The following TRDN variants were observed in gnomAD, a reference collection of about 807,000 sequenced individuals.
The protein encoded by TRDN is triadin.
Under a neutral mutation model 149.7 loss-of-function variants are expected in TRDN, and 161 were observed. The ratio of observed to expected loss-of-function variants is 1.08; its 90% CI spans 0.95 to 1.23. The LOEUF (loss-of-function observed/expected upper bound fraction) is 1.23, where lower values mean the gene tolerates loss of function less well. Among genes scored for constraint, TRDN ranks in the 50% most tolerant of loss-of-function variants. TRDN has a pLI of 0.00. For synonymous variants in TRDN, 294 were observed against 250.5 expected (o/e 1.17, Z -1.64); for missense variants, 896 against 823.5 (o/e 1.09, Z -1.08).
intron 14 of TRDN, 130 bp from the exon 15 acceptor site, chr6:123,382,277 A>C (rs757307985): frequency 5.3e-6 from 3 of 565,644 alleles, no homozygotes; most frequent in Non-Finnish European, 2.9e-6. Flanking sequence ...GTATATTTCT[A>C]GAATATGAGA....
chr6:123,636,345 G>A (rs1304540128), intron 1 of TRDN, among the ~76,000 whole-genome samples: 1 of 151,848 alleles, frequency 6.6e-6, no homozygotes, highest in Non-Finnish European at 1.5e-5. Flanking sequence ...GTTTAAGTAA[G>A]CATTAGTGTA....
At chr6:123,283,726 T>C (rs1406668721) in intron 24 of TRDN, among the ~76,000 whole-genome samples, 1 of 150,758 alleles carries the variant, frequency 6.6e-6, no homozygotes, top group East Asian at 2.0e-4. Context: ...CCTGGAAATA[T>C]GTAACCCTCC....
At chr6:123,453,765 A>C (rs1201068920) in intron 10 of TRDN, among the ~76,000 whole-genome samples, 1 of 152,160 alleles carries the variant, frequency 6.6e-6, no homozygotes, top group Non-Finnish European at 1.5e-5. Flanking sequence ...GTATCTACCC[A>C]AAGGAAAAGA....
chr6:123,463,657 C>T (rs1776613557), intron 10 of TRDN, among the ~76,000 whole-genome samples: 2 of 152,020 alleles, frequency 1.3e-5, no homozygotes, highest in Non-Finnish European at 2.9e-5. Flanking sequence ...GTTGTCTTGT[C>T]CAATGAACAT....
chr6:123,487,033 A>C (rs1323441572), intron 9 of TRDN, among the ~76,000 whole-genome samples: 1 of 152,028 alleles, frequency 6.6e-6, no homozygotes, highest in East Asian at 1.9e-4. Context: ...GTTCTGAAAA[A>C]ATATTTTTCT....
intron 23 of TRDN, among the ~76,000 whole-genome samples, chr6:123,321,115 A>T (rs1006210317): frequency 3.3e-5 from 5 of 152,180 alleles, no homozygotes; most frequent in Non-Finnish European, 5.9e-5. Flanking sequence ...CTGAGGACAT[A>T]GGTCTAAAAT....
chr6:123,235,954 A>T (rs2114532442), intron 38 of TRDN, among the ~76,000 whole-genome samples: 1 of 152,290 alleles, frequency 6.6e-6, no homozygotes, highest in African/African-American at 2.4e-5. Flanking sequence ...CATTTGGGTT[A>T]TTTCCAGATT....
At chr6:123,474,497 G>A (rs1014779538) in intron 9 of TRDN, among the ~76,000 whole-genome samples, 19 of 152,012 alleles carry the variant, frequency 1.2e-4, no homozygotes, top group African/African-American at 4.6e-4. Context: ...ACACCCCACT[G>A]TCAACATTAG....
At chr6:123,298,455 A>G (rs1046300628) in intron 24 of TRDN, among the ~76,000 whole-genome samples, 1 of 152,012 alleles carries the variant, frequency 6.6e-6, no homozygotes, top group Non-Finnish European at 1.5e-5. Flanking sequence ...CAAGGGTTAG[A>G]GATAATTTGT....
intron 12 of TRDN, among the ~76,000 whole-genome samples, chr6:123,395,528 G>A (rs890774779): frequency 1.3e-5 from 2 of 152,102 alleles, no homozygotes; most frequent in African/African-American, 4.8e-5. Context: ...GATTGGGCAT[G>A]TTTTAGGGTT....
intron 23 of TRDN, among the ~76,000 whole-genome samples, chr6:123,328,834 A>G (rs76588655): frequency 0.012 from 1,875 of 152,208 alleles, 25 homozygotes; most frequent in Non-Finnish European, 0.017. Flanking sequence ...GCTTATTCCA[A>G]TGAACGTTAT....
At chr6:123,534,420 C>T (rs1780415666) in intron 4 of TRDN, among the ~76,000 whole-genome samples, 1 of 152,126 alleles carries the variant, frequency 6.6e-6, no homozygotes, top group Non-Finnish European at 1.5e-5. Context: ...GTGTCACTGA[C>T]TGTTGATATC....
chr6:123,536,999 T>C (rs983297163), intron 4 of TRDN, among the ~76,000 whole-genome samples: 3 of 152,088 alleles, frequency 2.0e-5, no homozygotes, highest in South Asian at 2.1e-4. Flanking sequence ...AAAAGCTAAA[T>C]TGTAATTATA....
chr6:123,238,435 T>C (rs1413520129), intron 38 of TRDN, among the ~76,000 whole-genome samples: 1 of 151,916 alleles, frequency 6.6e-6, no homozygotes, highest in Non-Finnish European at 1.5e-5. Flanking sequence ...GGATAATCAC[T>C]AAAGTAATAG....
At chr6:123,311,981 T>C (rs1172784175) in intron 24 of TRDN, among the ~76,000 whole-genome samples, 1 of 151,928 alleles carries the variant, frequency 6.6e-6, no homozygotes, top group African/African-American at 2.4e-5. Context: ...GAGGAATTAA[T>C]AGAAGATAAT....
chr6:123,529,774 C>T (rs1332266848), intron 5 of TRDN, among the ~76,000 whole-genome samples: 3 of 151,968 alleles, frequency 2.0e-5, no homozygotes, highest in Non-Finnish European at 4.4e-5. Context: ...TGCCCTGGCT[C>T]ATTCAAAATC....
At chr6:123,282,748 T>C (rs1005116507) in intron 24 of TRDN, among the ~76,000 whole-genome samples, 16 of 151,902 alleles carry the variant, frequency 1.1e-4, no homozygotes, top group African/African-American at 3.4e-4. Context: ...ATGAGGAAAT[T>C]AGTCCTGTTC....
chr6:123,413,485 G>T (rs960447063), intron 12 of TRDN, among the ~76,000 whole-genome samples: 1 of 152,086 alleles, frequency 6.6e-6, no homozygotes, highest in Non-Finnish European at 1.5e-5. Context: ...GTGTAGAATT[G>T]ACCATTACTC....
Position 123,431,555 on chromosome 6 carries a change from A to C in TRDN, c.1051+6508T>G, listed in dbSNP as rs539629400. Among the ~76,000 whole-genome samples the C allele has an allele frequency of 3.9e-5, 6 of 152,280 alleles. No individual in the cohort carries two copies. In the East Asian group the frequency reaches 1.2e-3, roughly 29 times the overall value. ...AGAAAAAAGATAACTTTCTAAAACC[A>C]AGTGCTTTTCAAATAAGGAGAAAGA... is the stretch of plus-strand genomic sequence containing the variant. On this transcript the variant is annotated intron_variant, in intron 12 of 40. Coordinates refer to ENST00000334268, the MANE Select transcript of TRDN (RefSeq NM_006073.4).
Sources: allele counts gnomAD v4.1 joint callset (sites outside exome capture counted in the v4.1 genomes callset), GRCh38; gene constraint gnomAD v4.1.1; transcripts MANE v1.5; gene names NCBI Gene and HGNC (gene_info 2026-07-23, HGNC 2026-07-21).